The following KCNK10 variants were observed in gnomAD, a reference collection of about 807,000 sequenced individuals.
KCNK10 encodes potassium channel subfamily K member 10.
KCNK10 carries 25 observed loss-of-function variants against 47.7 expected under a neutral mutation model. That is an observed-to-expected ratio of 0.52 (90% confidence interval 0.38 to 0.73). KCNK10 has a LOEUF of 0.73. Among genes scored for constraint, KCNK10 ranks in the 30% least tolerant of loss-of-function variants. KCNK10 has a pLI of 0.00. For synonymous variants in KCNK10, 303 were observed against 285.6 expected (o/e 1.06, Z -0.61); for missense variants, 563 against 714.5 (o/e 0.79, Z 2.42).
At chr14:88,205,599 C>T (rs1055187960) in intron 4 of KCNK10, among the ~76,000 whole-genome samples, 3 of 137,136 alleles carry the variant, frequency 2.2e-5, no homozygotes, top group African/African-American at 8.4e-5. Context: ...GGCTGGAGTG[C>T]AATGGCGTGA....
At chr14:88,310,373 TC>T (rs1356162296) in intron 1 of KCNK10, among the ~76,000 whole-genome samples, 3 of 151,944 alleles carry the variant, frequency 2.0e-5, no homozygotes, top group Non-Finnish European at 4.4e-5. Context: ...TAGCCCCATT[TC>T]TGCAGGCACT....
chr14:88,217,745 C>A (rs1489012042), intron 4 of KCNK10, among the ~76,000 whole-genome samples: 1 of 150,236 alleles, frequency 6.7e-6, no homozygotes, highest in Non-Finnish European at 1.5e-5. Context: ...TTTTTTGAGA[C>A]AGAGTTTCAC....
At chr14:88,212,132 CGAGAGAGA>C (rs56111427) in intron 4 of KCNK10, among the ~76,000 whole-genome samples, 2 of 118,642 alleles carry the variant, frequency 1.7e-5, no homozygotes. Context: ...ATATATATAT[CGAGAGAGA>C]GAGAGAGAGA....
At chr14:88,299,773 A>G (rs140577509) in intron 1 of KCNK10, among the ~76,000 whole-genome samples, 10 of 152,376 alleles carry the variant, frequency 6.6e-5, no homozygotes, top group African/African-American at 2.4e-4. Context: ...TTCAGTAAAC[A>G]ATGATAAGTT....
In KCNK10 at chr14:88,185,403, G is replaced by T; in HGVS notation, c.*132C>A. On this transcript the variant is annotated 3_prime_UTR_variant, in exon 7 of 7. Transcript: ENST00000319231. The surrounding 1 kb of genome is among the most constrained non-coding windows in gnomAD (Gnocchi z 4.3). ...CAAGCTTTCAGTTGTTTATGGCACA[G>T]TGAAATATATTCTTCAATGCTATGT... 1 of 1,282,780 alleles carries T rather than the reference G, an allele frequency of 7.8e-7. No homozygotes were observed. The highest frequency in any genetic ancestry group is 1.1e-6 in the Non-Finnish European group (1 of 946,812). The allele number at this position is 1,282,780 out of a possible 1,614,324, so 79.5% of individuals were successfully genotyped here.
intron 1 of KCNK10, among the ~76,000 whole-genome samples, chr14:88,290,750 G>A (rs1887858328): frequency 6.6e-6 from 1 of 152,222 alleles, no homozygotes; most frequent in East Asian, 1.9e-4. Context: ...TCTTGCCAAT[G>A]TCCCTATAAG....
At chr14:88,211,421 G>C (rs1374264677) in intron 4 of KCNK10, among the ~76,000 whole-genome samples, 1 of 152,210 alleles carries the variant, frequency 6.6e-6, no homozygotes, top group South Asian at 2.1e-4. Flanking sequence ...AAGTTCTGGA[G>C]ATGATGGTAG....
chr14:88,302,401 C>T (rs1888119026), intron 1 of KCNK10, among the ~76,000 whole-genome samples: 1 of 152,028 alleles, frequency 6.6e-6, no homozygotes, highest in Admixed American at 6.6e-5. Flanking sequence ...CAGGAGTGGC[C>T]AGAAAAGTTA....
At chr14:88,297,600 C>T (rs2139786946) in intron 1 of KCNK10, among the ~76,000 whole-genome samples, 1 of 152,328 alleles carries the variant, frequency 6.6e-6, no homozygotes, top group East Asian at 1.9e-4. Context: ...TGTCTGTCGA[C>T]TTCCAGCTGT....
Position 88,286,222 on chromosome 14 carries a change from A to C in KCNK10, c.53-22671T>G, listed in dbSNP as rs149085070. Among the ~76,000 whole-genome samples, 14 of 152,264 alleles carry C rather than the reference A, an allele frequency of 9.2e-5. No homozygotes were observed. In the East Asian group the frequency reaches 2.7e-3, roughly 29 times the overall value. On this transcript the variant is annotated intron_variant, in intron 1 of 6. Coordinates refer to ENST00000319231, the MANE Select transcript of KCNK10 (RefSeq NM_138317.3). ...CCTGTAGATTTCCCAGGTGAGGCTC[A>C]TCTTCCCAGGTGAGGCCCCAGACGT...
rs1884450806 is a variant in KCNK10, at chr14:88,183,880, G to C, written c.*1655C>G. Reference sequence around the variant, plus strand: ...AGACAGTTTCTGGAAGTCTCCGCTAGTGCTGTGATCTTTTGGTAAATCCAC... The same window carrying C: ...AGACAGTTTCTGGAAGTCTCCGCTACTGCTGTGATCTTTTGGTAAATCCAC... On this transcript the variant is annotated 3_prime_UTR_variant, in exon 7 of 7. Coordinates refer to ENST00000319231, the MANE Select transcript of KCNK10 (RefSeq NM_138317.3). The C allele has an allele frequency of 6.6e-6, 1 of 152,394 alleles. No homozygotes were observed. Among genetic ancestry groups the C allele is most frequent in the East Asian group, 1.9e-4 (1 of 5,338 alleles). 9.4% of individuals were successfully genotyped at this position (152,394 alleles called of 1,614,324 possible).
At chr14:88,224,060 G>A (rs973239742) in intron 4 of KCNK10, among the ~76,000 whole-genome samples, 1 of 151,360 alleles carries the variant, frequency 6.6e-6, no homozygotes, top group African/African-American at 2.4e-5. Flanking sequence ...TCTTATTTTA[G>A]TTTCATTTGG....
chr14:88,230,250 C>T (rs768157744), intron 3 of KCNK10, among the ~76,000 whole-genome samples: 4 of 152,110 alleles, frequency 2.6e-5, no homozygotes, highest in Non-Finnish European at 5.9e-5. Flanking sequence ...AGAAAACAGG[C>T]GGTTGATTCC....
intron 1 of KCNK10, among the ~76,000 whole-genome samples, chr14:88,305,502 A>G (rs545315473): frequency 6.6e-6 from 1 of 152,216 alleles, no homozygotes; most frequent in African/African-American, 2.4e-5. Flanking sequence ...TGTTCTGAAG[A>G]TATCTTGGGG....
At chr14:88,243,894 G>A (rs898943743) in intron 2 of KCNK10, among the ~76,000 whole-genome samples, 20 of 151,248 alleles carry the variant, frequency 1.3e-4, no homozygotes, top group Middle Eastern at 3.2e-3. Flanking sequence ...TATCTGTGAC[G>A]TCAATTCCTC....
chr14:88,214,953 C>G (rs191780020), intron 4 of KCNK10, among the ~76,000 whole-genome samples: 16 of 152,304 alleles, frequency 1.1e-4, no homozygotes, highest in African/African-American at 3.6e-4. Flanking sequence ...AGTGGAATGA[C>G]TAAGTCTATT....
chr14:88,310,019 T>C (rs962976330), intron 1 of KCNK10, among the ~76,000 whole-genome samples: 2 of 151,848 alleles, frequency 1.3e-5, no homozygotes, highest in African/African-American at 2.4e-5. Context: ...CTGTTCTCTC[T>C]TGGTCCAGTT....
intron 1 of KCNK10, among the ~76,000 whole-genome samples, chr14:88,301,082 T>C (rs964221588): frequency 7.9e-5 from 12 of 152,236 alleles, no homozygotes; most frequent in East Asian, 1.9e-4. Flanking sequence ...AAAGCTACCA[T>C]GTGCCAGGCA....
At chr14:88,274,355 C>T (rs1183457639) in intron 1 of KCNK10, among the ~76,000 whole-genome samples, 1 of 151,568 alleles carries the variant, frequency 6.6e-6, no homozygotes, top group Non-Finnish European at 1.5e-5. Context: ...TAGAAAGATC[C>T]TTTCCAAACC....
Sources: gnomAD v4.1 joint callset for allele counts (sites outside exome capture counted in the v4.1 genomes callset) on GRCh38, gnomAD v4.1.1 for gene constraint, Gnocchi (gnomAD v3.1) non-coding constraint, MANE v1.5 for transcripts, NCBI Gene and HGNC (gene_info 2026-07-23, HGNC 2026-07-21) for gene names.